VPS35L: variants seen among roughly 807,000 people sequenced by gnomAD.
The protein encoded by VPS35L is VPS35 endosomal protein-sorting factor-like.
VPS35L carries 83 observed loss-of-function variants against 133.0 expected under a neutral mutation model. The ratio of observed to expected loss-of-function variants is 0.62; its 90% CI spans 0.52 to 0.75. The LOEUF is 0.75. Among genes scored for constraint, VPS35L ranks in the 30% least tolerant of loss-of-function variants. VPS35L has a pLI of 0.00. For missense variants in VPS35L, 1,083 were observed against 1,206.8 expected, an observed-to-expected ratio of 0.90 and a Z score of 1.52; for synonymous variants, 423 against 449.9, an observed-to-expected ratio of 0.94 and a Z score of 0.76.
At position 19,666,968 on chromosome 16, in the gene VPS35L, C is replaced by T. The variant is rs1445815497; in HGVS notation, c.2222-2192C>T. On this transcript the variant is annotated intron_variant, in intron 26 of 30. Transcript: ENST00000417362. ...CCTTTCTTCCTTTCTTCCTTTCTTC[C>T]TTTCTTCCTTTCTTTCTTTCTTTCT... 2.6e-3 allele frequency among the ~76,000 whole-genome samples: 257 copies of T among 100,120 alleles called. 1 individual carries two copies. The highest frequency in any genetic ancestry group is 7.7e-3 in the African/African-American group (213 of 27,808). 65.7% of individuals were successfully genotyped at this position (100,120 alleles called of 152,430 possible). A position where few individuals can be genotyped will look rare whatever the true frequency, so the allele number is the denominator to read the frequency against.
chr16:19,686,143 G>A (rs559462045), intron 28 of VPS35L, among the ~76,000 whole-genome samples: 13 of 152,276 alleles, frequency 8.5e-5, no homozygotes, highest in African/African-American at 2.6e-4. Flanking sequence ...CCTGCCCGGC[G>A]TCTTGGTAGG....
chr16:19,624,107 CTTTTTTTTTTTTTTT>C lies in VPS35L; in HGVS notation c.1225-2057_1225-2043del, dbSNP rs1182015325. 9.1e-5 allele frequency among the ~76,000 whole-genome samples: 6 copies of C among 65,866 alleles called. No individual in the cohort carries two copies. The South Asian group carries it at 2.8e-3, about 30-fold the overall frequency. The allele number at this position is 65,866 out of a possible 152,430, so 43.2% of individuals were successfully genotyped here. On this transcript the variant is annotated intron_variant, in intron 14 of 30. Transcript: ENST00000417362. ...GCATGAGCCATCGTGCCTACCAGGT[CTTTTTTTTTTTTTTT>C]TTTTTTTTTTTTGAGATAGGTCTCA... is the stretch of plus-strand genomic sequence containing the variant.
At chr16:19,612,838 G>C (rs776670035) in intron 12 of VPS35L, among the ~76,000 whole-genome samples, 19 of 152,274 alleles carry the variant, frequency 1.2e-4, no homozygotes, top group Admixed American at 2.6e-4. Flanking sequence ...TTGAATGGCA[G>C]ATGCAACTTG....
chr16:19,663,632 G>A lies in VPS35L; in HGVS notation c.2222-5528G>A, dbSNP rs183648801. The stretch of plus-strand genomic sequence containing the variant: ...TAGATCTGCCTTATGCTCTTTATTA[G>A]CTATATTACTTGCTTGGTGCAACAG... On this transcript the variant is annotated intron_variant, in intron 26 of 30. Coordinates refer to ENST00000417362, the MANE Select transcript of VPS35L (RefSeq NM_020314.7). Among the ~76,000 whole-genome samples, 19 of 103,616 alleles carry A rather than the reference G, an allele frequency of 1.8e-4. No individual in the cohort carries two copies. The East Asian group carries it at 6.5e-3, about 35-fold the overall frequency. 68.0% of individuals were successfully genotyped at this position (103,616 alleles called of 152,430 possible).
At chr16:19,652,945 A>G (rs1276609092) in intron 26 of VPS35L, among the ~76,000 whole-genome samples, 3 of 152,210 alleles carry the variant, frequency 2.0e-5, no homozygotes, top group Admixed American at 6.5e-5. Flanking sequence ...GATCTCAGTG[A>G]TATCAGAAGA....
chr16:19,558,796 G>A (rs550159570), intron 1 of VPS35L, among the ~76,000 whole-genome samples: 15 of 152,072 alleles, frequency 9.9e-5, no homozygotes, highest in African/African-American at 3.6e-4. Context: ...GGTGACGGGT[G>A]CCTGCAGTCC....
intron 26 of VPS35L, among the ~76,000 whole-genome samples, chr16:19,665,316 C>G (rs1230274920): frequency 6.6e-6 from 1 of 152,148 alleles, no homozygotes; most frequent in East Asian, 1.9e-4. Flanking sequence ...ATTCCCACTC[C>G]CCACCATGCC....
Position 19,651,420 on chromosome 16 carries a change from G to A in VPS35L, c.2107-556G>A, listed in dbSNP as rs969282130. On this transcript the variant is annotated intron_variant, in intron 25 of 30. Coordinates refer to ENST00000417362, the MANE Select transcript of VPS35L (RefSeq NM_020314.7). ...GCATATCACTAGGTTGCCCAGGCTG[G>A]TCTTGAACTCCTGGCCTCAAGTGAT... Among the ~76,000 whole-genome samples, 4 of 151,964 alleles carry A rather than the reference G, an allele frequency of 2.6e-5. No individual in the cohort carries two copies. In the East Asian group the frequency reaches 7.7e-4, roughly 29 times the overall value.
At chr16:19,609,597 G>C (rs1248049413) in intron 11 of VPS35L, among the ~76,000 whole-genome samples, 3 of 152,230 alleles carry the variant, frequency 2.0e-5, no homozygotes, top group Admixed American at 2.0e-4. Flanking sequence ...ACCCAGATCT[G>C]CTTTCTGCAG....
rs771602358 is a variant in VPS35L at position 19,669,180 on chromosome 16, G to A, written c.2242G>A (p.Ala748Thr). The part of the protein sequence containing the change: ...LSQADAFFKA[A>T]ISLVPEVPKM... ...TGCAGCTGATGCTTTTTTCAAAGCC[G>A]CTATAAGCCTTGTTCCGGAAGTTCC... is the stretch of plus-strand genomic sequence containing the variant. Residue 748 changes from alanine (A) to threonine (T), a missense_variant, in exon 27 of 31, where the codon GCT becomes ACT. Coordinates refer to ENST00000417362, the MANE Select transcript of VPS35L (RefSeq NM_020314.7). 15 of 1,606,942 alleles carry A rather than the reference G, an allele frequency of 9.3e-6. No homozygotes were observed. Among genetic ancestry groups the A allele is most frequent in the Middle Eastern group, 1.7e-4 (1 of 6,058 alleles).
At chr16:19,661,102 C>G (rs1974471609) in intron 26 of VPS35L, among the ~76,000 whole-genome samples, 1 of 151,314 alleles carries the variant, frequency 6.6e-6, no homozygotes, top group South Asian at 2.1e-4. Context: ...CTCTTTCCCC[C>G]TTAGCAATAA....
At chr16:19,582,140 A>C (rs191206722) in intron 7 of VPS35L, 2 of 153,032 alleles carry the variant, frequency 1.3e-5, no homozygotes, top group Admixed American at 6.5e-5. Flanking sequence ...AGGTACATAC[A>C]TTGAATCTTC....
chr16:19,570,875 A>ATTTTTT (rs1567388756), intron 3 of VPS35L, among the ~76,000 whole-genome samples: 1 of 45,848 alleles, frequency 2.2e-5, no homozygotes, highest in African/African-American at 1.3e-4. Flanking sequence ...ATATATATAT[A>ATTTTTT]TATATATATA....
intron 27 of VPS35L, among the ~76,000 whole-genome samples, chr16:19,674,184 C>CTTTCTTTTTTTTTTT (rs764022611): frequency 6.3e-4 from 45 of 70,914 alleles, no homozygotes; most frequent in African/African-American, 2.8e-3. Context: ...TTTTCTTTTT[C>CTTTCTTTTTTTTTTT]TTTTTTTTTT....
intron 29 of VPS35L, 72 bp downstream of exon 29, chr16:19,691,543 G>A: frequency 1.6e-6 from 2 of 1,238,400 alleles, no homozygotes; most frequent in Non-Finnish European, 2.4e-6. Flanking sequence ...GTTCAACCTT[G>A]GTTCATTCTA....
chr16:19,646,703 C>G (rs1973962643), intron 23 of VPS35L, among the ~76,000 whole-genome samples: 1 of 151,998 alleles, frequency 6.6e-6, no homozygotes, highest in Admixed American at 6.6e-5. Flanking sequence ...AAACCCCTGC[C>G]ATATTCTACT....
intron 26 of VPS35L, among the ~76,000 whole-genome samples, chr16:19,660,576 T>C (rs1974451609): frequency 1.3e-5 from 2 of 152,254 alleles, no homozygotes; most frequent in South Asian, 4.1e-4. Flanking sequence ...AAAAGCAAAA[T>C]GCCAATTTTG....
In VPS35L at chr16:19,559,727, T is replaced by C. The variant is rs569744839; in HGVS notation, c.17+3981T>C. ...TTTCCACAAGCAGTATTTTTTTTTTTGAGATGCAGTCTCGCCTGCCGTAAT... is the reference window on the plus strand; with the variant it reads ...TTTCCACAAGCAGTATTTTTTTTTTCGAGATGCAGTCTCGCCTGCCGTAAT... On this transcript the variant is annotated intron_variant, in intron 1 of 30. Coordinates refer to ENST00000417362, the MANE Select transcript of VPS35L (RefSeq NM_020314.7). Among the ~76,000 whole-genome samples, 5 of 152,236 alleles carry C rather than the reference T, an allele frequency of 3.3e-5. No homozygotes were observed. The South Asian group carries it at 8.3e-4, about 25-fold the overall frequency.
intron 26 of VPS35L, 67 bp from the exon 27 acceptor site, chr16:19,669,092 CG>C: frequency 3.3e-6 from 5 of 1,509,912 alleles, no homozygotes; most frequent in Non-Finnish European, 4.5e-6. Context: ...CTTCAGGCCA[CG>C]TGAAGAAGAA....
Sources: gnomAD v4.1 joint callset for allele counts (sites outside exome capture counted in the v4.1 genomes callset) on GRCh38, gnomAD v4.1.1 for gene constraint, MANE v1.5 for transcripts, NCBI Gene and HGNC (gene_info 2026-07-23, HGNC 2026-07-21) for gene names.